The following ACER2 variants were observed in gnomAD, a reference collection of about 807,000 sequenced individuals.
The protein encoded by ACER2 is alkCDase 2.
A neutral mutation model predicts 34.7 loss-of-function variants in ACER2; 26 were observed. The ratio of observed to expected loss-of-function variants is 0.75; its 90% CI spans 0.55 to 1.04. The LOEUF is 1.04. Ranked by LOEUF, ACER2 falls within the 50% of genes least tolerant of loss-of-function variation. ACER2 has a pLI of 0.00. For synonymous variants in ACER2, 138 were observed against 132.1 expected, an observed-to-expected ratio of 1.04 and a Z score of -0.31; for missense variants, 352 against 340.8, an observed-to-expected ratio of 1.03 and a Z score of -0.26.
At position 19,443,847 on chromosome 9, in the gene ACER2, G is replaced by A. The variant is rs142755164; in HGVS notation, c.504-2434G>A. On this transcript the variant is annotated intron_variant, in intron 4 of 5. Coordinates refer to ENST00000340967, the MANE Select transcript of ACER2 (RefSeq NM_001010887.3). ...AATTTTTGTATTTTTGGTAGAGACGGGATATCACCACATTGGCCAGGCTGA... is the reference window on the plus strand; with the variant it reads ...AATTTTTGTATTTTTGGTAGAGACGAGATATCACCACATTGGCCAGGCTGA... Among the ~76,000 whole-genome samples the A allele has an allele frequency of 2.8e-3, 427 of 152,064 alleles. 3 individuals are homozygous for A. The highest frequency in any genetic ancestry group is 0.014 in the Middle Eastern group (4 of 294).
At chr9:19,439,344 C>CTTTTTTTTTTTTTTT (rs55690063) in intron 4 of ACER2, among the ~76,000 whole-genome samples, 72 of 138,722 alleles carry the variant, frequency 5.2e-4, no homozygotes, top group African/African-American at 1.5e-3. Flanking sequence ...AAGGGGCTTG[C>CTTTTTTTTTTTTTTT]TTTTTTTTTT....
In ACER2 at chr9:19,424,897, C is replaced by G. The variant is rs1472134694; in HGVS notation, c.365+56C>G. 82 of 1,599,822 alleles carry G rather than the reference C, an allele frequency of 5.1e-5. 2 individuals carry two copies. The South Asian group carries it at 7.7e-4, about 15-fold the overall frequency. ...CCACTAGGTGCAGTACCCAATATAA[C>G]AATGTATATATGAAGAAAAATAGCA... is the stretch of plus-strand genomic sequence containing the variant. On this transcript the variant is annotated intron_variant, in intron 3 of 5. Transcript: ENST00000340967.
intron 4 of ACER2, among the ~76,000 whole-genome samples, chr9:19,443,556 C>T (rs552255369): frequency 7.2e-4 from 109 of 152,284 alleles, no homozygotes; most frequent in African/African-American, 2.4e-3. Context: ...TCCATTAATT[C>T]AGGAAGCATT....
intron 3 of ACER2, among the ~76,000 whole-genome samples, chr9:19,426,228 TAA>T (rs369990989): frequency 5.5e-5 from 8 of 144,756 alleles, no homozygotes; most frequent in African/African-American, 2.0e-4. Flanking sequence ...ACTTTTTTTT[TAA>T]AAAAAAAAAA....
At chr9:19,429,506 A>AT (rs931004344) in intron 3 of ACER2, among the ~76,000 whole-genome samples, 42 of 151,692 alleles carry the variant, frequency 2.8e-4, no homozygotes, top group African/African-American at 9.9e-4. Context: ...TAATTTTTGT[A>AT]TTTTTTGTAG....
intron 1 of ACER2, among the ~76,000 whole-genome samples, chr9:19,420,896 C>G (rs1031796152): frequency 6.6e-6 from 1 of 152,140 alleles, no homozygotes; most frequent in Non-Finnish European, 1.5e-5. Context: ...TTTAACACCT[C>G]CAAAGGCCTC....
intron 3 of ACER2, among the ~76,000 whole-genome samples, chr9:19,432,157 A>G (rs1830775651): frequency 6.6e-6 from 1 of 152,236 alleles, no homozygotes; most frequent in Non-Finnish European, 1.5e-5. Context: ...GATAGTATCA[A>G]TTATTTGTCT....
intron 4 of ACER2, among the ~76,000 whole-genome samples, chr9:19,436,482 C>G (rs1336471112): frequency 1.3e-5 from 2 of 151,994 alleles, no homozygotes; most frequent in Non-Finnish European, 2.9e-5. Context: ...TTGATAATGA[C>G]TGTTAGCTTT....
rs1282462853 is a variant in ACER2 at position 19,423,995 on chromosome 9, G to C, written c.223+19G>C. ...GTAGTGGGTAAGTGGAGTCATTTGG[G>C]AACACGGACTTAATGGGGTGGTGGG... is the stretch of plus-strand genomic sequence containing the variant. On this transcript the variant is annotated intron_variant, in intron 2 of 5. Transcript: ENST00000340967. 6.4e-7 allele frequency: 1 copy of C among 1,564,374 alleles called. No homozygotes were observed. The highest frequency in any genetic ancestry group is 1.1e-5 in the South Asian group (1 of 90,084).
intron 4 of ACER2, among the ~76,000 whole-genome samples, chr9:19,437,280 T>C (rs1352943808): frequency 2.0e-5 from 3 of 152,198 alleles, no homozygotes; most frequent in African/African-American, 7.2e-5. Context: ...CCTCAGTGCC[T>C]TTCCCAAATT....
At chr9:19,421,247 T>G (rs10122292) in intron 1 of ACER2, among the ~76,000 whole-genome samples, 32,928 of 152,138 alleles carry the variant, frequency 0.22, 4,143 homozygotes, top group African/African-American at 0.35. Flanking sequence ...AAATGTCATT[T>G]TGTTGCAAAT....
chr9:19,413,866 C>A (rs7020745), intron 1 of ACER2, among the ~76,000 whole-genome samples: 20,738 of 152,168 alleles, frequency 0.14, 1,537 homozygotes, highest in South Asian at 0.25. Flanking sequence ...ATGCCAAGTC[C>A]TAAGTCCCGC....
At chr9:19,409,356 C>G (rs961843570) in intron 1 of ACER2, among the ~76,000 whole-genome samples, 164 bp downstream of exon 1, 1 of 152,250 alleles carries the variant, frequency 6.6e-6, no homozygotes, top group Admixed American at 6.5e-5. Flanking sequence ...CCTTTCAGTT[C>G]TCCATCTGTC....
At chr9:19,444,637 T>G (rs1471633988) in intron 4 of ACER2, among the ~76,000 whole-genome samples, 1 of 152,168 alleles carries the variant, frequency 6.6e-6, no homozygotes, top group Non-Finnish European at 1.5e-5. Context: ...AGACCTATAG[T>G]ATCTGGCATT....
chr9:19,430,112 C>G (rs1830704573), intron 3 of ACER2, among the ~76,000 whole-genome samples: 1 of 150,326 alleles, frequency 6.7e-6, no homozygotes, highest in Admixed American at 6.6e-5. Context: ...GTTTTCAAGC[C>G]TATACCCTGT....
chr9:19,420,775 G>C (rs575740119), intron 1 of ACER2, among the ~76,000 whole-genome samples: 1 of 152,162 alleles, frequency 6.6e-6, no homozygotes, highest in South Asian at 2.1e-4. Flanking sequence ...GCAGCAGGTT[G>C]GGGGTCTGGC....
At chr9:19,442,774 G>A (rs891956250) in intron 4 of ACER2, among the ~76,000 whole-genome samples, 3 of 151,718 alleles carry the variant, frequency 2.0e-5, no homozygotes, top group Admixed American at 6.6e-5. Context: ...TAAATTCAAG[G>A]CAAGAGGCCT....
Position 19,450,757 on chromosome 9 carries a change from T to G in ACER2, c.*121T>G. 1.0e-6 allele frequency: 1 copy of G among 954,096 alleles called. No homozygotes were observed. Among genetic ancestry groups the G allele is most frequent in the East Asian group, 2.6e-5 (1 of 39,112 alleles). 59.1% of individuals were successfully genotyped at this position (954,096 alleles called of 1,614,324 possible). A position where few individuals can be genotyped will look rare whatever the true frequency, so the allele number is the denominator to read the frequency against. On this transcript the variant is annotated 3_prime_UTR_variant, in exon 6 of 6. Coordinates refer to ENST00000340967, the MANE Select transcript of ACER2 (RefSeq NM_001010887.3). ...GTGGGCTATCTTTTCAAAAATCTAT[T>G]TGCTGGGGCTCTTAATTTCTTTAGT...
intron 1 of ACER2, among the ~76,000 whole-genome samples, chr9:19,410,787 C>T (rs1397058453): frequency 6.6e-6 from 1 of 152,194 alleles, no homozygotes; most frequent in Non-Finnish European, 1.5e-5. Flanking sequence ...CCTCCCAGAG[C>T]ATGCTGTCAG....
Sources: allele counts gnomAD v4.1 joint callset (sites outside exome capture counted in the v4.1 genomes callset), GRCh38; gene constraint gnomAD v4.1.1; transcripts MANE v1.5; gene names NCBI Gene and HGNC (gene_info 2026-07-23, HGNC 2026-07-21).